Variants in TRIQK observed in about 807,000 individuals in gnomAD.
The protein encoded by TRIQK is triple QxxK/R motif containing, also known as triple QxxK/R motif-containing protein.
Under a neutral mutation model 10.8 loss-of-function variants are expected in TRIQK, and 10 were observed. The observed-to-expected ratio is 0.92, with a 90% CI of 0.57 to 1.57. The LOEUF (loss-of-function observed/expected upper bound fraction) is 1.57, where lower values mean the gene tolerates loss of function less well. Ranked by LOEUF, TRIQK falls within the 40% of genes most tolerant of loss-of-function variation. The pLI is 0.00. For missense variants in TRIQK, 107 were observed against 97.7 expected (o/e 1.09, Z -0.40); for synonymous variants, 33 against 33.7 (o/e 0.98, Z 0.07).
In TRIQK at chr8:92,905,258, T is replaced by C. The variant is rs577423422; in HGVS notation, c.61+11671A>G. ...AAAGCCATAAAGCACAGAAAATGAA[T>C]GAACTATATCAACAGCCATGAACAA... On this transcript the variant is annotated intron_variant, in intron 3 of 4. Transcript: ENST00000521988. Among the ~76,000 whole-genome samples, 5 of 152,192 alleles carry C rather than the reference T, an allele frequency of 3.3e-5. No individual in the cohort carries two copies. In the South Asian group the frequency reaches 1.0e-3, roughly 32 times the overall value.
At chr8:92,933,741 G>C (rs1810849644) in intron 2 of TRIQK, among the ~76,000 whole-genome samples, 1 of 152,058 alleles carries the variant, frequency 6.6e-6, no homozygotes, top group African/African-American at 2.4e-5. Flanking sequence ...GTCTATATCA[G>C]ATTGCTAACA....
intron 2 of TRIQK, among the ~76,000 whole-genome samples, chr8:92,950,197 T>A (rs1011151208): frequency 6.6e-6 from 1 of 152,168 alleles, no homozygotes; most frequent in African/African-American, 2.4e-5. Context: ...ATTTAGAAAG[T>A]AAGTTTTTTA....
intron 2 of TRIQK, 29 bp from the exon 3 acceptor site, chr8:92,917,039 T>A (rs1371059707): frequency 2.1e-6 from 3 of 1,421,068 alleles, no homozygotes; most frequent in Non-Finnish European, 2.8e-6. Context: ...TAATGAAAAT[T>A]TTTTTAAAAA....
intron 3 of TRIQK, among the ~76,000 whole-genome samples, chr8:92,903,677 G>T (rs1419851200): frequency 6.6e-6 from 1 of 151,978 alleles, no homozygotes; most frequent in Non-Finnish European, 1.5e-5. Context: ...GAAATTGCTA[G>T]ATCTATACTA....
At chr8:92,926,853 G>A (rs1053543726) in intron 2 of TRIQK, among the ~76,000 whole-genome samples, 1 of 152,094 alleles carries the variant, frequency 6.6e-6, no homozygotes, top group Admixed American at 6.6e-5. Context: ...GTGCAGAGCT[G>A]GAATTAATGC....
chr8:92,993,703 A>G (rs1392983288), intron 1 of TRIQK, among the ~76,000 whole-genome samples: 1 of 152,206 alleles, frequency 6.6e-6, no homozygotes, highest in Non-Finnish European at 1.5e-5. Flanking sequence ...AACTATTATG[A>G]TGGTATTAGC....
intron 3 of TRIQK, among the ~76,000 whole-genome samples, chr8:92,903,529 G>T (rs1037301078): frequency 6.6e-6 from 1 of 152,014 alleles, no homozygotes; most frequent in East Asian, 1.9e-4. Flanking sequence ...TAGTTAGGAG[G>T]ATTATTATAC....
chr8:92,927,196 T>G (rs1419076386), intron 2 of TRIQK, among the ~76,000 whole-genome samples: 1 of 152,158 alleles, frequency 6.6e-6, no homozygotes, highest in Non-Finnish European at 1.5e-5. Flanking sequence ...TTCTGAGTGC[T>G]TAGCTACCTA....
intron 2 of TRIQK, chr8:92,929,706 A>T (rs1810613597): frequency 1.3e-5 from 2 of 152,208 alleles, no homozygotes; most frequent in Admixed American, 6.5e-5. Context: ...TATAAAAGGG[A>T]TAGGCATTTC....
chr8:92,925,571 C>T (rs979285745), intron 2 of TRIQK, among the ~76,000 whole-genome samples: 3 of 152,016 alleles, frequency 2.0e-5, no homozygotes, highest in Admixed American at 1.3e-4. Context: ...GGGTCAAAAA[C>T]TTGAACAGGA....
chr8:92,938,755 G>A (rs997302800), intron 2 of TRIQK, among the ~76,000 whole-genome samples: 1 of 152,082 alleles, frequency 6.6e-6, no homozygotes, highest in Non-Finnish European at 1.5e-5. Context: ...CAAGCACACT[G>A]AACTTGTCTT....
intron 3 of TRIQK, among the ~76,000 whole-genome samples, chr8:92,902,020 T>C (rs745529621): frequency 2.0e-5 from 3 of 152,172 alleles, no homozygotes; most frequent in Non-Finnish European, 2.9e-5. Context: ...AACTAATTTA[T>C]TGGCATTCAG....
intron 1 of TRIQK, among the ~76,000 whole-genome samples, chr8:92,998,048 T>C (rs1813172169): frequency 1.3e-5 from 2 of 151,920 alleles, no homozygotes; most frequent in Admixed American, 1.3e-4. Flanking sequence ...ATGTATATGA[T>C]TAGTATGAGA....
chr8:92,991,481 G>C (rs1203698423), intron 1 of TRIQK, among the ~76,000 whole-genome samples: 42 of 152,056 alleles, frequency 2.8e-4, no homozygotes, highest in Admixed American at 2.8e-3. Flanking sequence ...AGCAGGGGTC[G>C]ACTAGGTATT....
intron 1 of TRIQK, among the ~76,000 whole-genome samples, chr8:92,979,905 A>G (rs1476501735): frequency 6.6e-6 from 1 of 152,114 alleles, no homozygotes; most frequent in Admixed American, 6.6e-5. Flanking sequence ...GAAATTATAT[A>G]TGAAAGATAG....
At chr8:92,937,225 T>C (rs1811035577) in intron 2 of TRIQK, among the ~76,000 whole-genome samples, 1 of 151,084 alleles carries the variant, frequency 6.6e-6, no homozygotes, top group Admixed American at 6.6e-5. Flanking sequence ...CACATGTATT[T>C]ATACACTTAC....
intron 1 of TRIQK, among the ~76,000 whole-genome samples, chr8:93,003,164 A>G (rs1586528644): frequency 6.6e-6 from 1 of 152,166 alleles, no homozygotes; most frequent in East Asian, 1.9e-4. Flanking sequence ...TCACACTGCT[A>G]TAAAGAACTA....
chr8:93,011,243 C>T (rs1260224520), intron 1 of TRIQK, among the ~76,000 whole-genome samples: 1 of 149,732 alleles, frequency 6.7e-6, no homozygotes, highest in East Asian at 2.0e-4. Flanking sequence ...TTCTGTTGAC[C>T]CATTTAATTA....
At chr8:92,957,758 C>T (rs1015119778) in intron 1 of TRIQK, among the ~76,000 whole-genome samples, 4 of 151,944 alleles carry the variant, frequency 2.6e-5, no homozygotes, top group East Asian at 1.9e-4. Context: ...GAACAGATTA[C>T]GTTTTTACTT....
Sources: allele counts gnomAD v4.1 joint callset (sites outside exome capture counted in the v4.1 genomes callset), GRCh38; gene constraint gnomAD v4.1.1; transcripts MANE v1.5; gene names NCBI Gene and HGNC (gene_info 2026-07-23, HGNC 2026-07-21).